The following PDE4B variants were observed in gnomAD, a reference collection of about 807,000 sequenced individuals.
PDE4B encodes the protein 3',5'-cyclic-AMP phosphodiesterase 4B.
Under a neutral mutation model 82.2 loss-of-function variants are expected in PDE4B, and 20 were observed. That is an observed-to-expected ratio of 0.24 (90% confidence interval 0.17 to 0.35). The LOEUF is 0.35. PDE4B is among the 10% of genes least tolerant of loss of function. The pLI, the probability that PDE4B is intolerant of heterozygous loss-of-function variation, is 1.00. For missense variants in PDE4B, 655 were observed against 907.2 expected, an observed-to-expected ratio of 0.72 and a Z score of 3.57; for synonymous variants, 320 against 318.9, an observed-to-expected ratio of 1.00 and a Z score of -0.04.
chr1:66,025,059 T>A (rs1190183565), intron 3 of PDE4B, among the ~76,000 whole-genome samples: 5 of 152,068 alleles, frequency 3.3e-5, no homozygotes, highest in Non-Finnish European at 5.9e-5. Flanking sequence ...TATAGCTTTG[T>A]TAATTATTTA....
chr1:66,048,574 G>A (rs1500951), intron 3 of PDE4B, among the ~76,000 whole-genome samples: 7,727 of 151,898 alleles, frequency 0.051, 571 homozygotes, highest in East Asian at 0.36. Context: ...AATAAACCAC[G>A]GAACTTGTGG....
chr1:65,873,763 T>C (rs1265083097), intron 1 of PDE4B, among the ~76,000 whole-genome samples: 1 of 152,140 alleles, frequency 6.6e-6, no homozygotes, highest in Non-Finnish European at 1.5e-5. Context: ...TACATATATG[T>C]GTTAGGGCTT....
intron 1 of PDE4B, among the ~76,000 whole-genome samples, chr1:65,881,906 CA>C (rs5774772): frequency 0.16 from 24,927 of 152,124 alleles, 2,290 homozygotes; most frequent in South Asian, 0.28. Context: ...AGAAAGATTG[CA>C]TGACATTATA....
intron 1 of PDE4B, among the ~76,000 whole-genome samples, chr1:65,819,177 T>C (rs1157872569): frequency 1.3e-5 from 2 of 152,104 alleles, no homozygotes; most frequent in African/African-American, 4.8e-5. Flanking sequence ...CTGTCCTAAA[T>C]ACAACAGGAT....
chr1:66,162,863 G>A (rs1646645615), intron 3 of PDE4B, among the ~76,000 whole-genome samples: 2 of 152,160 alleles, frequency 1.3e-5, no homozygotes, highest in South Asian at 4.1e-4. Flanking sequence ...ACTATCAGTT[G>A]TTACAATAAT....
At chr1:66,132,201 A>G (rs1019722749) in intron 3 of PDE4B, among the ~76,000 whole-genome samples, 1 of 152,186 alleles carries the variant, frequency 6.6e-6, no homozygotes, top group African/African-American at 2.4e-5. Context: ...AAAACTGAGT[A>G]TATTCAATGA....
At chr1:66,122,832 A>G (rs1221431501) in intron 3 of PDE4B, among the ~76,000 whole-genome samples, 2 of 151,058 alleles carry the variant, frequency 1.3e-5, no homozygotes, top group African/African-American at 4.9e-5. Flanking sequence ...CAGCCTCCCA[A>G]GTAGCTGGGA....
intron 3 of PDE4B, among the ~76,000 whole-genome samples, chr1:65,925,042 T>C (rs1412302321): frequency 5.9e-5 from 9 of 152,212 alleles, no homozygotes; most frequent in Non-Finnish European, 7.3e-5. Context: ...GAGATCAGTT[T>C]AGAGGCTGTA....
chr1:65,993,418 G>A (rs1378244964), intron 3 of PDE4B, among the ~76,000 whole-genome samples: 1 of 152,100 alleles, frequency 6.6e-6, no homozygotes, highest in Non-Finnish European at 1.5e-5. Flanking sequence ...TAGGTAAGTC[G>A]AGTAATAAAT....
intron 3 of PDE4B, among the ~76,000 whole-genome samples, chr1:66,069,441 A>G (rs1017819747): frequency 6.6e-6 from 1 of 151,978 alleles, no homozygotes; most frequent in Non-Finnish European, 1.5e-5. Context: ...TCATAACATT[A>G]ATTTCTTTTC....
intron 7 of PDE4B, among the ~76,000 whole-genome samples, chr1:66,274,425 G>A (rs1000482054): frequency 3.3e-5 from 5 of 151,610 alleles, no homozygotes; most frequent in Non-Finnish European, 4.4e-5. Context: ...CACCCTCCTC[G>A]GCCTCCCAAA....
intron 3 of PDE4B, among the ~76,000 whole-genome samples, chr1:65,986,381 T>A (rs1033305960): frequency 1.3e-5 from 2 of 152,112 alleles, no homozygotes; most frequent in African/African-American, 2.4e-5. Flanking sequence ...TGAGAAAAAA[T>A]TTACTGAAGA....
rs3036787 is a variant in PDE4B at position 66,134,043 on chromosome 1, G to GAA, written c.282-113404_282-113403dup. On this transcript the variant is annotated intron_variant, in intron 3 of 16. Transcript: ENST00000341517. The stretch of plus-strand genomic sequence containing the variant: ...TCTCAAAACTATATACACAAAACTG[G>GAA]AAAAAAAAAAAAAAGACTTCTAAGG... Among the ~76,000 whole-genome samples, 432 of 148,634 alleles carry GAA rather than the reference G, an allele frequency of 2.9e-3. 4 individuals are homozygous for GAA. The highest frequency in any genetic ancestry group is 1.0e-2 in the African/African-American group (406 of 40,628).
chr1:66,082,517 C>T (rs1444491989), intron 3 of PDE4B, among the ~76,000 whole-genome samples: 1 of 151,852 alleles, frequency 6.6e-6, no homozygotes, highest in South Asian at 2.1e-4. Flanking sequence ...TGAATCTTGG[C>T]TCTGTCATTT....
At chr1:66,304,167 A>G (rs1020581860) in intron 7 of PDE4B, among the ~76,000 whole-genome samples, 2 of 152,158 alleles carry the variant, frequency 1.3e-5, no homozygotes, top group African/African-American at 4.8e-5. Flanking sequence ...AATTTGTCCA[A>G]TCTTGTCAGT....
chr1:66,240,316 T>C (rs17128625), intron 3 of PDE4B, among the ~76,000 whole-genome samples: 4,706 of 152,250 alleles, frequency 0.031, 229 homozygotes, highest in African/African-American at 0.11. Flanking sequence ...AGCACTGGGG[T>C]TAAAAATAAG....
intron 1 of PDE4B, among the ~76,000 whole-genome samples, chr1:65,839,296 T>G (rs942534829): frequency 6.6e-6 from 1 of 152,096 alleles, no homozygotes; most frequent in Non-Finnish European, 1.5e-5. Context: ...TTTCTTTAAG[T>G]TCTGGGATAC....
At chr1:65,873,700 C>G (rs1020183474) in intron 1 of PDE4B, among the ~76,000 whole-genome samples, 1 of 152,106 alleles carries the variant, frequency 6.6e-6, no homozygotes, top group Admixed American at 6.6e-5. Flanking sequence ...GAACAATTCT[C>G]TGGTTACCAA....
chr1:65,846,480 T>C (rs1646269805), intron 1 of PDE4B, among the ~76,000 whole-genome samples: 1 of 152,196 alleles, frequency 6.6e-6, no homozygotes, highest in Non-Finnish European at 1.5e-5. Context: ...TAGGAGGTAA[T>C]AAAAATCAAG....
Sources: allele counts gnomAD v4.1 joint callset (sites outside exome capture counted in the v4.1 genomes callset), GRCh38; gene constraint gnomAD v4.1.1; transcripts MANE v1.5; gene names NCBI Gene and HGNC (gene_info 2026-07-23, HGNC 2026-07-21).